The following KIAA1217 variants were observed in gnomAD, a reference collection of about 807,000 sequenced individuals.
KIAA1217 encodes KIAA1217.
KIAA1217 carries 88 observed loss-of-function variants against 163.9 expected under a neutral mutation model. The observed-to-expected ratio is 0.54, with a 90% CI of 0.45 to 0.64. KIAA1217 has a LOEUF of 0.64. Ranked by LOEUF, KIAA1217 falls within the 30% of genes least tolerant of loss-of-function variation. The pLI is 0.00. For synonymous variants in KIAA1217, 903 were observed against 923.1 expected (o/e 0.98, Z 0.39); for missense variants, 2,372 against 2,475.0 (o/e 0.96, Z 0.88).
At chr10:23,953,122 G>A (rs1248025142) in intron 1 of KIAA1217, among the ~76,000 whole-genome samples, 1 of 152,186 alleles carries the variant, frequency 6.6e-6, no homozygotes, top group Non-Finnish European at 1.5e-5. Flanking sequence ...TGAGGACTTT[G>A]TAAATAAGAA....
At chr10:24,235,854 T>C (rs17582653) in intron 2 of KIAA1217, among the ~76,000 whole-genome samples, 36,191 of 152,180 alleles carry the variant, frequency 0.24, 5,280 homozygotes, top group East Asian at 0.36. Flanking sequence ...TTCAGGCTCA[T>C]CTACTAAATA....
chr10:23,852,300 G>C lies in KIAA1217; in HGVS notation c.-320-154925G>C, dbSNP rs186135782. 4.3e-3 allele frequency among the ~76,000 whole-genome samples: 660 copies of C among 152,190 alleles called. 6 individuals are homozygous for C. Among genetic ancestry groups the C allele is most frequent in the African/African-American group, 0.015 (640 of 41,514 alleles). Reference sequence around the variant, plus strand: ...CTTTCCCCATTGCTTGTTTTTCTCAGGTTTGTCAAAGATCAGATAGTTGTA... The same window carrying C: ...CTTTCCCCATTGCTTGTTTTTCTCACGTTTGTCAAAGATCAGATAGTTGTA... On this transcript the variant is annotated intron_variant, in intron 1 of 18. Coordinates refer to the KIAA1217 transcript ENST00000376462.
At chr10:24,160,288 T>C (rs980634419) in intron 2 of KIAA1217, among the ~76,000 whole-genome samples, 1 of 152,204 alleles carries the variant, frequency 6.6e-6, no homozygotes, top group Non-Finnish European at 1.5e-5. Flanking sequence ...CTGGAATGTT[T>C]ATAGGAATAC....
At chr10:24,196,334 A>AT (rs1480117099) in intron 2 of KIAA1217, among the ~76,000 whole-genome samples, 1 of 152,216 alleles carries the variant, frequency 6.6e-6, no homozygotes, top group Non-Finnish European at 1.5e-5. Context: ...CTTCCAGGCA[A>AT]TTGCACAGGA....
chr10:24,221,855 G>A (rs547341647), intron 2 of KIAA1217, among the ~76,000 whole-genome samples: 5 of 152,084 alleles, frequency 3.3e-5, no homozygotes, highest in Non-Finnish European at 7.4e-5. Context: ...GTAACATAGC[G>A]AGACCCCATC....
chr10:23,778,205 G>A (rs552884077), intron 1 of KIAA1217, among the ~76,000 whole-genome samples: 21 of 152,290 alleles, frequency 1.4e-4, no homozygotes, highest in African/African-American at 4.1e-4. Context: ...CTCCCAAAGT[G>A]TTGGGATTAC....
rs183806313 is a variant in KIAA1217, at chr10:23,916,316, T to C, written c.-320-90909T>C. ...GGTAAGTTAAGGCCATATTTGAATT[T>C]GCACTCTATTGTTCATGCTTTGCCT... On this transcript the variant is annotated intron_variant, in intron 1 of 18. Transcript: ENST00000376462. Among the ~76,000 whole-genome samples, 4 of 152,324 alleles carry C rather than the reference T, an allele frequency of 2.6e-5. No individual in the cohort carries two copies. The East Asian group carries it at 7.7e-4, about 29-fold the overall frequency.
intron 2 of KIAA1217, among the ~76,000 whole-genome samples, chr10:24,147,038 C>CCAGAGATTCTGATTCCAGT (rs1315931080): frequency 2.7e-5 from 4 of 149,976 alleles, no homozygotes; most frequent in Non-Finnish European, 5.9e-5. Flanking sequence ...AAAACAGTTC[C>CCAGAGATTCTGATTCCAGT]CAGAGATTCT....
chr10:24,037,504 G>A (rs1848445232), intron 2 of KIAA1217, among the ~76,000 whole-genome samples: 1 of 151,698 alleles, frequency 6.6e-6, no homozygotes, highest in South Asian at 2.1e-4. Flanking sequence ...AAACAAAAAA[G>A]CAAAAAAATG....
chr10:23,965,016 G>A (rs180709103), intron 1 of KIAA1217, among the ~76,000 whole-genome samples: 6 of 152,216 alleles, frequency 3.9e-5, no homozygotes, highest in South Asian at 2.1e-4. Flanking sequence ...ACTTTACCCC[G>A]TCCCCCAGCT....
At chr10:24,392,972 A>AT (rs1336503760) in intron 3 of KIAA1217, among the ~76,000 whole-genome samples, 1 of 151,938 alleles carries the variant, frequency 6.6e-6, no homozygotes, top group African/African-American at 2.4e-5. Flanking sequence ...GGCTGAGTCA[A>AT]TTTTTTTTGA....
intron 2 of KIAA1217, among the ~76,000 whole-genome samples, chr10:24,201,955 C>T (rs1366269528): frequency 6.6e-6 from 1 of 152,134 alleles, no homozygotes; most frequent in African/African-American, 2.4e-5. Context: ...CACCCCATTC[C>T]CAATTCTTCC....
At chr10:24,482,633 AT>A (rs2064862914) in intron 6 of KIAA1217, 1 of 152,190 alleles carries the variant, frequency 6.6e-6, no homozygotes, top group South Asian at 2.1e-4. Flanking sequence ...CCTTATTTGA[AT>A]TCTGGACTTC....
chr10:24,274,253 C>A (rs1410419950), intron 2 of KIAA1217, among the ~76,000 whole-genome samples: 4 of 152,134 alleles, frequency 2.6e-5, no homozygotes, highest in African/African-American at 9.7e-5. Flanking sequence ...CACCTATAAT[C>A]CCAGCATTTT....
chr10:24,150,045 T>C (rs1049968601), intron 2 of KIAA1217, among the ~76,000 whole-genome samples: 1 of 152,160 alleles, frequency 6.6e-6, no homozygotes, highest in Non-Finnish European at 1.5e-5. Context: ...GAGATGGAGT[T>C]AAACTTTTGT....
rs774882222 is a variant in KIAA1217, at chr10:24,531,982, A to G, written c.3235A>G (p.Ile1079Val). 7 of 1,575,114 alleles carry G rather than the reference A, an allele frequency of 4.4e-6. No individual in the cohort carries two copies. Among genetic ancestry groups the G allele is most frequent in the Non-Finnish European group, 6.1e-6 (7 of 1,156,140 alleles). Residue 1079 changes from isoleucine (I) to valine (V), a missense_variant, in exon 15 of 21, where the codon ATC becomes GTC. Around this residue, in one of 3 missense-constraint regions of KIAA1217, gnomAD observed 1,431 missense variants for 1,470.3 expected, o/e 0.97. Coordinates refer to ENST00000376454, the MANE Select transcript of KIAA1217 (RefSeq NM_019590.5). ...GGTCTACACCGGCAGAAAGGAGAAC[A>G]TCACCGCTAAGGTCTGATAGGCTAA... Reference protein sequence around the residue: ...DVVYTGRKENITAKASSEDAG... With the variant: ...DVVYTGRKENVTAKASSEDAG...
chr10:23,816,285 T>C lies in KIAA1217; in HGVS notation c.-321+121051T>C, dbSNP rs150201116. On this transcript the variant is annotated intron_variant, in intron 1 of 18. Coordinates refer to the KIAA1217 transcript ENST00000376462. ...CCATGCTCACATTTCTTTTTGTTGT[T>C]GTTGTTGTTTGTTTGTTTGTTTGTT... 9.5e-3 allele frequency among the ~76,000 whole-genome samples: 1,441 copies of C among 152,060 alleles called. 19 individuals carry two copies. Among genetic ancestry groups the C allele is most frequent in the African/African-American group, 0.033 (1,368 of 41,438 alleles).
chr10:24,402,516 C>CAAAAACAAAAAAA (rs2056667285), intron 3 of KIAA1217, among the ~76,000 whole-genome samples: 1 of 93,002 alleles, frequency 1.1e-5, no homozygotes, highest in Admixed American at 1.2e-4. Flanking sequence ...CTCAAAAAAA[C>CAAAAACAAAAAAA]AAAAAACAAA....
upstream of KIAA1217, among the ~76,000 whole-genome samples, chr10:24,205,525 G>A (rs1170051965): frequency 6.6e-6 from 1 of 151,642 alleles, no homozygotes; most frequent in Admixed American, 6.6e-5. Context: ...TGTAGTCCCA[G>A]CACTTTGGGA....
Sources: gnomAD v4.1 joint callset for allele counts (sites outside exome capture counted in the v4.1 genomes callset) on GRCh38, gnomAD v4.1.1 for gene constraint, gnomAD v4.1.1 regional missense constraint, MANE v1.5 for transcripts, NCBI Gene and HGNC (gene_info 2026-07-23, HGNC 2026-07-21) for gene names.